The following SLC35F3 variants were observed in gnomAD, a reference collection of about 807,000 sequenced individuals.
SLC35F3 encodes putative thiamine transporter SLC35F3.
In SLC35F3, 25 loss-of-function variants were observed where a neutral mutation model predicts 49.9. That is an observed-to-expected ratio of 0.50 (90% CI 0.37 to 0.70). The LOEUF is 0.70. Among genes scored for constraint, SLC35F3 ranks in the 30% least tolerant of loss-of-function variants. The probability of loss-of-function intolerance (pLI) is 0.00; values close to 1 mark genes in which losing one functional copy is unlikely to be tolerated. For synonymous variants in SLC35F3, 275 were observed against 265.4 expected (o/e 1.04, Z -0.35); for missense variants, 525 against 639.8 (o/e 0.82, Z 1.94).
At chr1:234,134,617 T>C (rs1665783323) in intron 2 of SLC35F3, among the ~76,000 whole-genome samples, 1 of 152,114 alleles carries the variant, frequency 6.6e-6, no homozygotes, top group Non-Finnish European at 1.5e-5. Flanking sequence ...GCCTGCACAT[T>C]AAAATCAACC....
chr1:234,305,718 C>T (rs966010088), intron 3 of SLC35F3, among the ~76,000 whole-genome samples: 20 of 152,220 alleles, frequency 1.3e-4, no homozygotes, highest in African/African-American at 4.6e-4. Flanking sequence ...TTTCTTGAAG[C>T]TCTCAATTTA....
intron 2 of SLC35F3, among the ~76,000 whole-genome samples, chr1:234,002,613 TG>T (rs1275096225): frequency 2.6e-5 from 4 of 152,194 alleles, no homozygotes; most frequent in Non-Finnish European, 4.4e-5. Flanking sequence ...CAGTTGACGT[TG>T]GCCTTGATCA....
At chr1:234,306,280 G>A (rs551068708) in intron 3 of SLC35F3, among the ~76,000 whole-genome samples, 164 of 152,044 alleles carry the variant, frequency 1.1e-3, no homozygotes, top group Non-Finnish European at 1.9e-3. Context: ...CCTGCCTCAG[G>A]CTCCCGAGTA....
At chr1:234,063,021 G>A (rs986722675) in intron 2 of SLC35F3, among the ~76,000 whole-genome samples, 20 of 151,916 alleles carry the variant, frequency 1.3e-4, no homozygotes, top group African/African-American at 4.8e-4. Context: ...TTCTGTGTGT[G>A]GAGAAAATGA....
chr1:234,265,975 A>ACCCCTTC (rs1667971886), intron 3 of SLC35F3, among the ~76,000 whole-genome samples: 2 of 152,108 alleles, frequency 1.3e-5, no homozygotes, highest in Non-Finnish European at 2.9e-5. Flanking sequence ...GCCTTTGCTC[A>ACCCCTTC]AATATCACCC....
intron 2 of SLC35F3, among the ~76,000 whole-genome samples, chr1:234,062,671 C>T (rs1157857295): frequency 6.6e-6 from 1 of 151,708 alleles, no homozygotes; most frequent in African/African-American, 2.4e-5. Context: ...TTCTTTCATC[C>T]ATGAGCAAAA....
Position 233,961,455 on chromosome 1 carries a change from C to CTTT in SLC35F3, c.283+55711_283+55713dup, listed in dbSNP as rs35494872. Reference sequence around the variant, plus strand: ...TCAGCTTTCTTTTTTTTTTTCCTCTCTTTTTTTTTTTTTTTTCTTGAGACA... The same window carrying CTTT: ...TCAGCTTTCTTTTTTTTTTTCCTCTCTTTTTTTTTTTTTTTTTTTCTTGAGACA... On this transcript the variant is annotated intron_variant, in intron 2 of 7. Transcript: ENST00000366618. 1.9e-3 allele frequency among the ~76,000 whole-genome samples: 242 copies of CTTT among 130,434 alleles called. 4 individuals are homozygous for CTTT. The highest frequency in any genetic ancestry group is 0.014 in the East Asian group (59 of 4,304). 85.6% of individuals were successfully genotyped at this position (130,434 alleles called of 152,430 possible). A position where few individuals can be genotyped will look rare whatever the true frequency, so the allele number is the denominator to read the frequency against.
rs553421631 is a variant in SLC35F3 at position 234,093,451 on chromosome 1, G to A, written c.284-137966G>A. On this transcript the variant is annotated intron_variant, in intron 2 of 7. Coordinates refer to ENST00000366618, the MANE Select transcript of SLC35F3 (RefSeq NM_173508.4). ...CTCTGAGGCACCATCACCCTACCTT[G>A]AGGCTTTTGTTTTCCAGCCCTGCTC... 3.3e-5 allele frequency among the ~76,000 whole-genome samples: 5 copies of A among 152,266 alleles called. 1 individual carries two copies. In the South Asian group the frequency reaches 1.0e-3, roughly 32 times the overall value.
At chr1:233,933,208 A>C (rs1662272915) in intron 2 of SLC35F3, among the ~76,000 whole-genome samples, 1 of 152,178 alleles carries the variant, frequency 6.6e-6, no homozygotes, top group African/African-American at 2.4e-5. Context: ...ATCTATGTTA[A>C]TTGCAAGTTT....
chr1:234,199,490 C>A (rs1169586872), intron 2 of SLC35F3, among the ~76,000 whole-genome samples: 1 of 152,056 alleles, frequency 6.6e-6, no homozygotes, highest in Non-Finnish European at 1.5e-5. Flanking sequence ...ACAAAAAAAT[C>A]AACTCAAAGT....
chr1:234,096,849 T>C (rs1195042686), intron 2 of SLC35F3, among the ~76,000 whole-genome samples: 1 of 152,018 alleles, frequency 6.6e-6, no homozygotes, highest in Non-Finnish European at 1.5e-5. Flanking sequence ...AGCAGTGGAA[T>C]TGCTGGATCG....
At chr1:234,105,806 G>A (rs1260608391) in intron 2 of SLC35F3, among the ~76,000 whole-genome samples, 1 of 152,192 alleles carries the variant, frequency 6.6e-6, no homozygotes, top group Non-Finnish European at 1.5e-5. Context: ...CTGCCCCATT[G>A]CTATCGGGAC....
chr1:234,181,836 A>G (rs12141421), intron 2 of SLC35F3, among the ~76,000 whole-genome samples: 12,014 of 152,060 alleles, frequency 0.079, 623 homozygotes, highest in Middle Eastern at 0.21. Context: ...GGTTCTGTGT[A>G]TTTTCATCAC....
chr1:233,986,040 T>G (rs1358599488), intron 2 of SLC35F3, among the ~76,000 whole-genome samples: 2 of 152,188 alleles, frequency 1.3e-5, no homozygotes, highest in Admixed American at 6.5e-5. Flanking sequence ...TCTTTGGACC[T>G]TAGTACCCTG....
At chr1:234,017,854 C>A (rs1327424338) in intron 2 of SLC35F3, among the ~76,000 whole-genome samples, 2 of 151,752 alleles carry the variant, frequency 1.3e-5, no homozygotes, top group African/African-American at 4.8e-5. Flanking sequence ...ACATTGAACC[C>A]CTAGCCAACA....
intron 2 of SLC35F3, among the ~76,000 whole-genome samples, chr1:233,918,378 C>T (rs893381455): frequency 6.6e-6 from 1 of 152,164 alleles, no homozygotes; most frequent in Non-Finnish European, 1.5e-5. Context: ...CCCGAGACCT[C>T]AGCAGTGCAC....
intron 3 of SLC35F3, among the ~76,000 whole-genome samples, chr1:234,238,319 T>A (rs1328117655): frequency 6.6e-6 from 1 of 152,252 alleles, no homozygotes; most frequent in African/African-American, 2.4e-5. Flanking sequence ...CAGGAAATCA[T>A]GTAATCAATG....
intron 2 of SLC35F3, among the ~76,000 whole-genome samples, chr1:234,211,927 A>G (rs532474463): frequency 1.3e-5 from 2 of 152,264 alleles, no homozygotes; most frequent in African/African-American, 4.8e-5. Context: ...GAATTCCCAT[A>G]TGTTGTGGGA....
intron 2 of SLC35F3, among the ~76,000 whole-genome samples, chr1:234,024,772 G>T (rs1340152416): frequency 1.3e-5 from 2 of 152,042 alleles, no homozygotes; most frequent in Admixed American, 6.5e-5. Context: ...CCTCTTAAAG[G>T]CCCCACCTCT....
Sources: gnomAD v4.1 joint callset for allele counts (sites outside exome capture counted in the v4.1 genomes callset) on GRCh38, gnomAD v4.1.1 for gene constraint, MANE v1.5 for transcripts, NCBI Gene and HGNC (gene_info 2026-07-23, HGNC 2026-07-21) for gene names.